Variants in TSHZ1 observed in about 807,000 individuals in gnomAD.
TSHZ1 encodes teashirt homolog 1.
Under a neutral mutation model 67.1 loss-of-function variants are expected in TSHZ1, and 12 were observed. The observed-to-expected ratio is 0.18, with a 90% confidence interval of 0.11 to 0.29. The LOEUF (loss-of-function observed/expected upper bound fraction) is 0.29, where lower values mean the gene tolerates loss of function less well. TSHZ1 is among the 10% of genes least tolerant of loss of function. TSHZ1 has a pLI of 1.00. For missense variants in TSHZ1, 1,305 were observed against 1,413.9 expected (o/e 0.92, Z 1.23); for synonymous variants, 632 against 622.4 (o/e 1.02, Z -0.23).
intron 1 of TSHZ1, among the ~76,000 whole-genome samples, chr18:75,275,615 G>C (rs577654420): frequency 6.8e-4 from 104 of 152,290 alleles, no homozygotes; most frequent in African/African-American, 2.4e-3. Flanking sequence ...TTTCGTTTCA[G>C]GGGGTCAGAT....
At chr18:75,247,573 C>T (rs527562924) in intron 1 of TSHZ1, among the ~76,000 whole-genome samples, 67 of 152,326 alleles carry the variant, frequency 4.4e-4, no homozygotes, top group African/African-American at 1.6e-3. Flanking sequence ...CTGTTTCCCT[C>T]ATTCTGCTTA....
chr18:75,280,724 A>G (rs2023674506), intron 1 of TSHZ1: 1 of 983,300 alleles, frequency 1.0e-6, no homozygotes, highest in Non-Finnish European at 1.2e-6. Flanking sequence ...AAATGAAGCA[A>G]TGGGATGAAA....
intron 1 of TSHZ1, among the ~76,000 whole-genome samples, chr18:75,239,570 C>T (rs1016484924): frequency 4.6e-5 from 7 of 152,180 alleles, no homozygotes; most frequent in Non-Finnish European, 8.8e-5. Flanking sequence ...GCACAATCAT[C>T]GCTCACTGCA....
At chr18:75,265,738 G>A (rs927608050) in intron 1 of TSHZ1, among the ~76,000 whole-genome samples, 6 of 151,974 alleles carry the variant, frequency 3.9e-5, no homozygotes, top group African/African-American at 1.5e-4. Flanking sequence ...CTTTCTAGAC[G>A]AGACCCCTTC....
At position 75,287,260 on chromosome 18, in the gene TSHZ1, A is replaced by C. The variant is rs2023785998; in HGVS notation, c.1853A>C (p.Asn618Thr). The stretch of plus-strand genomic sequence containing the variant: ...AAGTCGCTGTCTTCCGCCGAGCACA[A>C]CGCCCTCCTGCACTCCCCAGGGAGC... The part of the protein sequence containing the change: ...GVKSLSSAEH[N>T]ALLHSPGSLT... Residue 618 changes from asparagine (N) to threonine (T), a missense_variant, in exon 2 of 2, where the codon AAC becomes ACC. By Grantham distance (65) the Asn-to-Thr change is moderately conservative. This residue lies in a region of TSHZ1 where 909 missense variants were observed against 961.8 expected (regional missense o/e 0.95). Transcript: ENST00000580243. The surrounding 1 kb of genome is among the most constrained non-coding windows in gnomAD (Gnocchi z 5.0). The C allele has an allele frequency of 6.2e-7, 1 of 1,613,930 alleles. No homozygotes were observed. Among genetic ancestry groups the C allele is most frequent in the African/African-American group, 1.3e-5 (1 of 75,020 alleles).
intron 1 of TSHZ1, among the ~76,000 whole-genome samples, chr18:75,239,014 G>A (rs143266472): frequency 1.3e-5 from 2 of 152,232 alleles, no homozygotes; most frequent in African/African-American, 4.8e-5. Context: ...GCAGGCCCAC[G>A]ACGCTGCCCA....
At chr18:75,237,537 A>G (rs1352672328) in intron 1 of TSHZ1, among the ~76,000 whole-genome samples, 1 of 152,256 alleles carries the variant, frequency 6.6e-6, no homozygotes, top group African/African-American at 2.4e-5. Context: ...TAAAATAAGA[A>G]CAGTCATATA....
intron 1 of TSHZ1, among the ~76,000 whole-genome samples, chr18:75,226,199 G>A (rs1392986861): frequency 6.6e-6 from 1 of 152,194 alleles, no homozygotes; most frequent in Non-Finnish European, 1.5e-5. Flanking sequence ...GGAGGAAAAA[G>A]TATTTGGATG....
At position 75,211,572 on chromosome 18, in the gene TSHZ1, C is replaced by T. The variant is rs1180265972; in HGVS notation, c.-305C>T. 1 of 141,352 alleles carries T rather than the reference C, an allele frequency of 7.1e-6. No individual in the cohort carries two copies. Among genetic ancestry groups the T allele is most frequent in the Non-Finnish European group, 1.6e-5 (1 of 64,386 alleles). 8.8% of individuals were successfully genotyped at this position (141,352 alleles called of 1,614,324 possible). ...GGGCCGGCCCGCCGAGCGCCCGCTGCTGCGCCCGCGGCCCGCGCCGGGGAT... is the reference window on the plus strand; with the variant it reads ...GGGCCGGCCCGCCGAGCGCCCGCTGTTGCGCCCGCGGCCCGCGCCGGGGAT... On this transcript the variant is annotated 5_prime_UTR_variant, in exon 1 of 2. Transcript: ENST00000580243.
In TSHZ1 at chr18:75,287,563, T is replaced by G. The variant is rs760271510; in HGVS notation, c.2156T>G (p.Leu719Arg). The G allele has an allele frequency of 4.3e-6, 7 of 1,614,052 alleles. No homozygotes were observed. The Admixed American group carries it at 8.3e-5, about 19-fold the overall frequency. ...DVHTPNGTEP[L>R]KAKVTNGCNN... ...CACACCCCAAATGGCACAGAGCCTC[T>G]CAAAGCAAAGGTCACCAACGGCTGT... Residue 719 changes from leucine (L) to arginine (R), a missense_variant, in exon 2 of 2, where the codon CTC (leucine) becomes CGC (arginine). This residue lies in a region of TSHZ1 where 909 missense variants were observed against 961.8 expected (regional missense o/e 0.95). Transcript: ENST00000580243. This position sits in a 1 kb window ranked among gnomAD's most constrained non-coding sequence, Gnocchi z 5.0.
At position 75,286,205 on chromosome 18, in the gene TSHZ1, C is replaced by A; in HGVS notation, c.798C>A (p.Asn266Lys). 1 of 1,614,002 alleles carries A rather than the reference C, an allele frequency of 6.2e-7. No individual in the cohort carries two copies. The highest frequency in any genetic ancestry group is 8.5e-7 in the Non-Finnish European group (1 of 1,179,988). Residue 266 changes from asparagine (N) to lysine (K), a missense_variant, in exon 2 of 2, where the codon AAC (asparagine) becomes AAA (lysine). Asn to Lys is a moderately conservative substitution (Grantham distance 94). Coordinates refer to ENST00000580243, the MANE Select transcript of TSHZ1 (RefSeq NM_001308210.2). The surrounding 1 kb of genome is among the most constrained non-coding windows in gnomAD (Gnocchi z 5.1). The part of the protein sequence containing the change: ...DTLVELTVHM[N>K]ETGHYRDDNR... ...TGGTGGAACTGACGGTGCACATGAA[C>A]GAGACAGGCCACTACCGTGACGACA...
At position 75,287,973 on chromosome 18, in the gene TSHZ1, T is replaced by A; in HGVS notation, c.2566T>A (p.Ser856Thr). The A allele has an allele frequency of 6.2e-7, 1 of 1,614,156 alleles. No individual in the cohort carries two copies. The highest frequency in any genetic ancestry group is 8.5e-7 in the Non-Finnish European group (1 of 1,180,032). The change falls in exon 2 of 2, where the codon TCC (serine) becomes ACC (threonine). Residue 856 changes from serine (S) to threonine (T), a missense_variant. Ser to Thr is a moderately conservative substitution (Grantham distance 58, BLOSUM62 1). This residue lies in a region of TSHZ1 where 909 missense variants were observed against 961.8 expected (regional missense o/e 0.95). Coordinates refer to ENST00000580243, the MANE Select transcript of TSHZ1 (RefSeq NM_001308210.2). This position sits in a 1 kb window ranked among gnomAD's most constrained non-coding sequence, Gnocchi z 5.0. ...NLTGRLTPKS[S>T]TPSTVSEKSD... ...CACAGGCCGCCTGACGCCCAAGTCC[T>A]CCACGCCCTCCACAGTTTCAGAGAA...
Position 75,288,380 on chromosome 18 carries a change from A to C in TSHZ1, c.2973A>C (p.Thr991=), listed in dbSNP as rs201953573. Residue 991 remains threonine (T), a synonymous_variant, in exon 2 of 2, where the codon ACA becomes ACC. Transcript: ENST00000580243. The surrounding 1 kb of genome is among the most constrained non-coding windows in gnomAD (Gnocchi z 4.9). ...CTACATACATAAGTCATTTGGAGAC[A>C]CACTTGGGCTTCAGCCTGAAGGATC... is the stretch of plus-strand genomic sequence containing the variant. ...TASTYISHLE[T]HLGFSLKDLS... The C allele has an allele frequency of 8.7e-6, 14 of 1,614,238 alleles. No homozygotes were observed. The East Asian group carries it at 2.7e-4, about 31-fold the overall frequency.
intron 1 of TSHZ1, among the ~76,000 whole-genome samples, chr18:75,251,705 C>T (rs1030172257): frequency 5.9e-5 from 9 of 152,136 alleles, no homozygotes; most frequent in Admixed American, 4.6e-4. Flanking sequence ...TTGGATTACA[C>T]GTGAGGGGGG....
intron 1 of TSHZ1, among the ~76,000 whole-genome samples, chr18:75,261,949 G>C (rs894156746): frequency 3.9e-5 from 6 of 152,202 alleles, no homozygotes; most frequent in Admixed American, 1.3e-4. Flanking sequence ...GTGTTGAGAA[G>C]GAAGAGTTGG....
At chr18:75,224,336 C>A (rs975970146) in intron 1 of TSHZ1, among the ~76,000 whole-genome samples, 1 of 152,118 alleles carries the variant, frequency 6.6e-6, no homozygotes, top group Non-Finnish European at 1.5e-5. Flanking sequence ...CATCGTGAAA[C>A]CCAGCTAGTC....
At chr18:75,280,270 G>A (rs2023668349) in intron 1 of TSHZ1, among the ~76,000 whole-genome samples, 1 of 152,184 alleles carries the variant, frequency 6.6e-6, no homozygotes, top group South Asian at 2.1e-4. Context: ...TGTGCATGAA[G>A]CTTTTTCTGC....
Position 75,288,091 on chromosome 18 carries a change from A to T in TSHZ1, c.2684A>T (p.Gln895Leu). 3 of 1,613,618 alleles carry T rather than the reference A, an allele frequency of 1.9e-6. No individual in the cohort carries two copies. Among genetic ancestry groups the T allele is most frequent in the Non-Finnish European group, 2.5e-6 (3 of 1,179,994 alleles). ...GGCCGGCAGTCCAACTGGAACCCGC[A>T]GCACCTTCTCATCCTGCAGGCCCAG... ...RKGRQSNWNPQHLLILQAQFA... is the reference protein window; with the variant it reads ...RKGRQSNWNPLHLLILQAQFA... The change falls in exon 2 of 2, where the codon CAG (glutamine) becomes CTG (leucine). Residue 895 changes from glutamine (Q) to leucine (L), a missense_variant. Gln to Leu is a moderately radical substitution (Grantham distance 113). Around this residue, in one of 3 missense-constraint regions of TSHZ1, gnomAD observed 909 missense variants for 961.8 expected, o/e 0.95. Transcript: ENST00000580243. This position sits in a 1 kb window ranked among gnomAD's most constrained non-coding sequence, Gnocchi z 4.9.
In TSHZ1 at chr18:75,287,291, G is replaced by A. The variant is rs535675338; in HGVS notation, c.1884G>A (p.Thr628=). Residue 628 remains threonine, a synonymous_variant, in exon 2 of 2, where the codon ACG becomes ACA. Coordinates refer to ENST00000580243, the MANE Select transcript of TSHZ1 (RefSeq NM_001308210.2). The surrounding 1 kb of genome is among the most constrained non-coding windows in gnomAD (Gnocchi z 5.0). ...NALLHSPGSL[T]PPPHKSNVSA... ...TCCTGCACTCCCCAGGGAGCCTCAC[G>A]CCCCCACCGCACAAGAGCAACGTGT... is the stretch of plus-strand genomic sequence containing the variant. 11 of 1,613,920 alleles carry A rather than the reference G, an allele frequency of 6.8e-6. No individual in the cohort carries two copies. The highest frequency in any genetic ancestry group is 4.5e-5 in the East Asian group (2 of 44,858).
Sources: gnomAD v4.1 joint callset for allele counts (sites outside exome capture counted in the v4.1 genomes callset) on GRCh38, gnomAD v4.1.1 for gene constraint, gnomAD v4.1.1 regional missense constraint, Gnocchi (gnomAD v3.1) non-coding constraint, MANE v1.5 for transcripts, NCBI Gene and HGNC (gene_info 2026-07-23, HGNC 2026-07-21) for gene names.